Variants in EBF2 observed in about 807,000 individuals in gnomAD.
The protein encoded by EBF2 is EBF transcription factor 2.
A neutral mutation model predicts 72.8 loss-of-function variants in EBF2; 21 were observed. The ratio of observed to expected loss-of-function variants is 0.29; its 90% CI spans 0.20 to 0.42. The LOEUF is 0.42. Among genes scored for constraint, EBF2 ranks in the 10% least tolerant of loss-of-function variants. The pLI is 1.00. For missense variants in EBF2, 637 were observed against 731.2 expected (o/e 0.87, Z 1.49); for synonymous variants, 299 against 274.2 (o/e 1.09, Z -0.89).
rs1801774851 is a variant in EBF2 at position 25,843,653 on chromosome 8, A to G, written c.*956T>C. 1 of 152,214 alleles carries G rather than the reference A, an allele frequency of 6.6e-6. No individual in the cohort carries two copies. 9.4% of individuals were successfully genotyped at this position (152,214 alleles called of 1,614,324 possible). ...GCTCAGGGGAGAACGTTGAAAGCTA[A>G]TAATAGGAATTTTAAAAAGTATTCA... is the stretch of plus-strand genomic sequence containing the variant. On this transcript the variant is annotated 3_prime_UTR_variant, in exon 16 of 16. Transcript: ENST00000520164.
intron 6 of EBF2, among the ~76,000 whole-genome samples, chr8:25,948,375 C>T (rs921810125): frequency 1.3e-5 from 2 of 152,168 alleles, no homozygotes; most frequent in African/African-American, 4.8e-5. Context: ...GGTGATGCCT[C>T]TCCTTTTCCA....
At chr8:25,981,391 A>G (rs1432434571) in intron 6 of EBF2, among the ~76,000 whole-genome samples, 1 of 151,756 alleles carries the variant, frequency 6.6e-6, no homozygotes, top group Non-Finnish European at 1.5e-5. Context: ...TGCCCTATCC[A>G]TTTCATTTTG....
intron 6 of EBF2, among the ~76,000 whole-genome samples, chr8:25,958,991 CG>C (rs1303739223): frequency 6.6e-6 from 1 of 152,156 alleles, no homozygotes; most frequent in African/African-American, 2.4e-5. Context: ...GCTGTCAGGA[CG>C]AGGGCTTTGG....
At chr8:25,980,443 A>C (rs1804340762) in intron 6 of EBF2, among the ~76,000 whole-genome samples, 1 of 152,198 alleles carries the variant, frequency 6.6e-6, no homozygotes, top group Admixed American at 6.5e-5. Flanking sequence ...GAAGGAAAGA[A>C]AAGAAAAAAG....
In EBF2 at chr8:25,844,533, A is replaced by G. The variant is rs1801793099; in HGVS notation, c.*76T>C. The G allele has an allele frequency of 1.3e-6, 2 of 1,567,952 alleles. No homozygotes were observed. Among genetic ancestry groups the G allele is most frequent in the South Asian group, 1.1e-5 (1 of 89,942 alleles). ...ATGTGGGGGCACCACTACACCCCCA[A>G]AAGAGCTCCTAGTGCTTTCTTCATT... On this transcript the variant is annotated 3_prime_UTR_variant, in exon 16 of 16. Transcript: ENST00000520164.
At chr8:26,031,050 G>A (rs1474643196) in intron 6 of EBF2, among the ~76,000 whole-genome samples, 1 of 152,208 alleles carries the variant, frequency 6.6e-6, no homozygotes. Flanking sequence ...CCATTAAGGT[G>A]TGTACTTATG....
chr8:25,947,853 G>A (rs2117165060), intron 6 of EBF2, among the ~76,000 whole-genome samples: 1 of 152,324 alleles, frequency 6.6e-6, no homozygotes, highest in South Asian at 2.1e-4. Flanking sequence ...GGCAGAAATA[G>A]AAGCCCTTCT....
chr8:26,044,768 C>G lies in EBF2; in HGVS notation c.92G>C (p.Arg31Pro). The G allele has an allele frequency of 6.2e-7, 1 of 1,614,164 alleles. No homozygotes were observed. The highest frequency in any genetic ancestry group is 8.5e-7 in the Non-Finnish European group (1 of 1,180,024). ...ATTAGCGTCCACCACTCCGACATTC[C>G]GGACCCAGGACCTGACCGAATCCAT... ...AEMDSVRSWV[R>P]NVGVVDANVA... The change falls in exon 1 of 16, where the codon CGG becomes CCG. Residue 31 changes from arginine to proline, a missense_variant. Around this residue, in one of 3 missense-constraint regions of EBF2, gnomAD observed 174 missense variants for 161.9 expected, o/e 1.07. Coordinates refer to ENST00000520164, the MANE Select transcript of EBF2 (RefSeq NM_022659.4). This position sits in a 1 kb window ranked among gnomAD's most constrained non-coding sequence, Gnocchi z 4.1.
intron 7 of EBF2, among the ~76,000 whole-genome samples, chr8:25,901,590 C>T (rs1252027565): frequency 6.6e-6 from 1 of 152,072 alleles, no homozygotes; most frequent in Non-Finnish European, 1.5e-5. Context: ...CCTTTTGAGG[C>T]AGAGGGTAAA....
chr8:25,987,064 T>C (rs1327866869), intron 6 of EBF2, among the ~76,000 whole-genome samples: 2 of 151,896 alleles, frequency 1.3e-5, no homozygotes, highest in African/African-American at 2.4e-5. Context: ...AAAAAACTGA[T>C]AATTTGCATC....
intron 6 of EBF2, among the ~76,000 whole-genome samples, chr8:25,971,251 TA>T (rs1452271084): frequency 1.2e-4 from 19 of 152,108 alleles, no homozygotes; most frequent in Non-Finnish European, 1.5e-5. Flanking sequence ...AAAGCCAGCT[TA>T]ACTCCTTGGC....
intron 6 of EBF2, among the ~76,000 whole-genome samples, chr8:25,959,747 G>A (rs928437970): frequency 2.0e-5 from 3 of 152,062 alleles, no homozygotes; most frequent in African/African-American, 7.2e-5. Context: ...TTCCCTCTGG[G>A]TTTCATTGCC....
At chr8:26,013,663 A>G (rs1188237334) in intron 6 of EBF2, among the ~76,000 whole-genome samples, 1 of 152,040 alleles carries the variant, frequency 6.6e-6, no homozygotes, top group Non-Finnish European at 1.5e-5. Context: ...TCTGATCCAC[A>G]CTACTCTCAA....
intron 5 of EBF2, among the ~76,000 whole-genome samples, chr8:26,039,689 G>A (rs1280390218): frequency 6.6e-6 from 1 of 152,176 alleles, no homozygotes; most frequent in East Asian, 1.9e-4. Context: ...GAGGCCCGGC[G>A]GGAACTCCAG....
chr8:25,887,764 G>T, intron 9 of EBF2, 78 bp downstream of exon 9: 1 of 1,415,506 alleles, frequency 7.1e-7, no homozygotes, highest in East Asian at 2.4e-5. Flanking sequence ...TTTTACCCTT[G>T]GTGTTTGTGC....
intron 6 of EBF2, among the ~76,000 whole-genome samples, chr8:25,949,645 T>A (rs1803826370): frequency 6.6e-6 from 1 of 152,066 alleles, no homozygotes; most frequent in Non-Finnish European, 1.5e-5. Flanking sequence ...TTAGTATGAA[T>A]GAGGTTTCCA....
chr8:25,846,912 C>T (rs117656978), intron 15 of EBF2, among the ~76,000 whole-genome samples: 11 of 152,212 alleles, frequency 7.2e-5, no homozygotes, highest in Non-Finnish European at 1.6e-4. Flanking sequence ...AGGCAACAGA[C>T]AGAAAGTAAT....
intron 6 of EBF2, among the ~76,000 whole-genome samples, chr8:25,947,357 C>T (rs1044650877): frequency 6.6e-5 from 10 of 152,284 alleles, no homozygotes; most frequent in Admixed American, 5.2e-4. Flanking sequence ...GATTGTGAGG[C>T]CTCCCTAGCC....
chr8:26,012,760 T>C (rs1191770484), intron 6 of EBF2, among the ~76,000 whole-genome samples: 1 of 152,206 alleles, frequency 6.6e-6, no homozygotes, highest in East Asian at 1.9e-4. Flanking sequence ...AAGAAAATGC[T>C]GTCCCTGTCT....
Sources: gnomAD v4.1 joint callset for allele counts (sites outside exome capture counted in the v4.1 genomes callset) on GRCh38, gnomAD v4.1.1 for gene constraint, gnomAD v4.1.1 regional missense constraint, Gnocchi (gnomAD v3.1) non-coding constraint, MANE v1.5 for transcripts, NCBI Gene and HGNC (gene_info 2026-07-23, HGNC 2026-07-21) for gene names.